Variants in DPYD observed in about 807,000 individuals in gnomAD.
DPYD encodes dihydropyrimidine dehydrogenase [NADP(+)].
In DPYD, 109 loss-of-function variants were observed where a neutral mutation model predicts 116.2. The observed-to-expected ratio is 0.94, with a 90% CI of 0.80 to 1.10. The LOEUF (loss-of-function observed/expected upper bound fraction) is 1.10, where lower values mean the gene tolerates loss of function less well. Among genes scored for constraint, DPYD ranks in the 50% least tolerant of loss-of-function variants. The pLI is 0.00. For missense variants in DPYD, 1,302 were observed against 1,254.5 expected, an observed-to-expected ratio of 1.04 and a Z score of -0.57; for synonymous variants, 440 against 432.0, an observed-to-expected ratio of 1.02 and a Z score of -0.23.
chr1:97,173,986 T>C (rs1417835244), intron 20 of DPYD, among the ~76,000 whole-genome samples: 1 of 151,564 alleles, frequency 6.6e-6, no homozygotes, highest in Admixed American at 6.6e-5. Flanking sequence ...CTCAAGTGTT[T>C]TGTTTTCAGT....
rs187702910 is a variant in DPYD at position 97,114,682 on chromosome 1, C to T, written c.2623-16050G>A. Among the ~76,000 whole-genome samples the T allele has an allele frequency of 2.8e-4, 43 of 152,158 alleles. 1 individual carries two copies. Among genetic ancestry groups the T allele is most frequent in the African/African-American group, 8.9e-4 (37 of 41,520 alleles). On this transcript the variant is annotated intron_variant, in intron 20 of 22. Transcript: ENST00000370192. ...GGACAGTGTCAATACAGCATCACTACGTCATTTAATGGCTGATGGTGGTTA... is the reference window on the plus strand; with the variant it reads ...GGACAGTGTCAATACAGCATCACTATGTCATTTAATGGCTGATGGTGGTTA...
intron 14 of DPYD, among the ~76,000 whole-genome samples, chr1:97,404,662 A>T (rs539086507): frequency 5.4e-4 from 82 of 152,224 alleles, no homozygotes; most frequent in African/African-American, 1.9e-3. Flanking sequence ...CCATTTACTT[A>T]TAATCTATGT....
chr1:97,533,175 T>C (rs1649763742), intron 12 of DPYD, among the ~76,000 whole-genome samples: 1 of 151,812 alleles, frequency 6.6e-6, no homozygotes, highest in African/African-American at 2.4e-5. Flanking sequence ...GCACTGGGGA[T>C]TACAATTCAA....
intron 13 of DPYD, among the ~76,000 whole-genome samples, chr1:97,476,425 C>T (rs1030702472): frequency 6.6e-6 from 1 of 151,828 alleles, no homozygotes; most frequent in Non-Finnish European, 1.5e-5. Flanking sequence ...TATGAAAAAA[C>T]AAAGCAATGA....
intron 20 of DPYD, among the ~76,000 whole-genome samples, chr1:97,188,494 G>T (rs892678024): frequency 1.3e-5 from 2 of 152,080 alleles, no homozygotes; most frequent in Non-Finnish European, 2.9e-5. Flanking sequence ...GTATGAATAA[G>T]ATATTATCTT....
chr1:97,121,494 T>C (rs1652426974), intron 20 of DPYD, among the ~76,000 whole-genome samples: 1 of 152,210 alleles, frequency 6.6e-6, no homozygotes, highest in South Asian at 2.1e-4. Context: ...GGACTGTTTT[T>C]AACATACTGC....
chr1:97,264,986 G>A (rs1664138659), intron 18 of DPYD, among the ~76,000 whole-genome samples: 1 of 139,072 alleles, frequency 7.2e-6, no homozygotes, highest in Non-Finnish European at 1.6e-5. Context: ...GTTATATTTT[G>A]CCTTGTCCCT....
chr1:97,531,407 G>A (rs996199318), intron 12 of DPYD, among the ~76,000 whole-genome samples: 3 of 151,942 alleles, frequency 2.0e-5, no homozygotes, highest in African/African-American at 4.8e-5. Context: ...CTTGACTTTC[G>A]TATTGAAAGT....
intron 10 of DPYD, among the ~76,000 whole-genome samples, chr1:97,592,852 T>C (rs1418607288): frequency 6.6e-6 from 1 of 152,354 alleles, no homozygotes; most frequent in African/African-American, 2.4e-5. Flanking sequence ...AAATTCCGTA[T>C]GTGTCTTATT....
chr1:97,154,150 T>C (rs998168354), intron 20 of DPYD, among the ~76,000 whole-genome samples: 1 of 152,144 alleles, frequency 6.6e-6, no homozygotes, highest in Non-Finnish European at 1.5e-5. Flanking sequence ...AATGGGTATC[T>C]ACCCAGAAGA....
chr1:97,401,029 T>G (rs1673345533), intron 14 of DPYD, among the ~76,000 whole-genome samples: 1 of 152,116 alleles, frequency 6.6e-6, no homozygotes, highest in Non-Finnish European at 1.5e-5. Flanking sequence ...TAGTGGTACC[T>G]CATTGTTGTT....
intron 8 of DPYD, among the ~76,000 whole-genome samples, chr1:97,670,187 T>C (rs868360794): frequency 3.9e-5 from 6 of 152,194 alleles, no homozygotes; most frequent in South Asian, 2.1e-4. Context: ...TTAAGTATCC[T>C]AAAATTTATC....
intron 1 of DPYD, among the ~76,000 whole-genome samples, 172 bp from the exon 2 acceptor site, chr1:97,883,546 A>G (rs1672332638): frequency 6.6e-6 from 1 of 152,082 alleles, no homozygotes; most frequent in Non-Finnish European, 1.5e-5. Flanking sequence ...TTCCAGGCTC[A>G]GGCGATCCTC....
At chr1:97,340,107 C>T (rs1284731204) in intron 16 of DPYD, among the ~76,000 whole-genome samples, 2 of 151,492 alleles carry the variant, frequency 1.3e-5, no homozygotes, top group South Asian at 2.1e-4. Flanking sequence ...GAAAAACACC[C>T]AACAAAGTAA....
At chr1:97,530,585 C>T (rs1422480928) in intron 12 of DPYD, among the ~76,000 whole-genome samples, 1 of 152,094 alleles carries the variant, frequency 6.6e-6, no homozygotes, top group Non-Finnish European at 1.5e-5. Context: ...TTGCAGTGAA[C>T]ATGTGGGTGC....
chr1:97,446,501 G>A (rs1676094369), intron 14 of DPYD, among the ~76,000 whole-genome samples: 2 of 152,078 alleles, frequency 1.3e-5, no homozygotes, highest in Admixed American at 6.5e-5. Flanking sequence ...GTAATTAACC[G>A]AGGAAGTGTT....
chr1:97,641,898 A>G (rs1244778359), intron 8 of DPYD, among the ~76,000 whole-genome samples: 1 of 152,220 alleles, frequency 6.6e-6, no homozygotes, highest in Admixed American at 6.5e-5. Context: ...CAAATTCAGC[A>G]AAGTCTCAGG....
chr1:97,621,408 T>A (rs1656625251), intron 8 of DPYD, among the ~76,000 whole-genome samples: 1 of 151,848 alleles, frequency 6.6e-6, no homozygotes, highest in Admixed American at 6.6e-5. Flanking sequence ...TGAATTAGAG[T>A]GGAAGACATC....
intron 12 of DPYD, among the ~76,000 whole-genome samples, chr1:97,547,851 G>A (rs542152834): frequency 1.3e-5 from 2 of 152,070 alleles, no homozygotes; most frequent in East Asian, 3.9e-4. Context: ...GGGACACCAC[G>A]GTTTGGCCCA....
Sources: allele counts gnomAD v4.1 joint callset (sites outside exome capture counted in the v4.1 genomes callset), GRCh38; gene constraint gnomAD v4.1.1; transcripts MANE v1.5; gene names NCBI Gene and HGNC (gene_info 2026-07-23, HGNC 2026-07-21).